Variants in TAF4B observed in about 807,000 individuals in gnomAD.
TAF4B encodes the protein transcription initiation factor TFIID subunit 4B.
Under a neutral mutation model 86.4 loss-of-function variants are expected in TAF4B, and 38 were observed. The ratio of observed to expected loss-of-function variants is 0.44; its 90% CI spans 0.34 to 0.58. The LOEUF (loss-of-function observed/expected upper bound fraction) is 0.58. TAF4B is among the 20% of genes least tolerant of loss of function. TAF4B has a pLI of 0.02. For missense variants in TAF4B, 988 were observed against 1,027.6 expected, an observed-to-expected ratio of 0.96 and a Z score of 0.53; for synonymous variants, 388 against 391.2, an observed-to-expected ratio of 0.99 and a Z score of 0.10.
chr18:26,355,120 T>G (rs781120587), intron 13 of TAF4B, among the ~76,000 whole-genome samples: 3 of 152,248 alleles, frequency 2.0e-5, no homozygotes, highest in Non-Finnish European at 4.4e-5. Flanking sequence ...GATTTATATC[T>G]CAGTATTTCA....
chr18:26,315,095 A>ACACTCTCTCTCTCT (rs765549230), intron 9 of TAF4B, 134 bp from the exon 10 acceptor site: 1 of 215,984 alleles, frequency 4.6e-6, no homozygotes, highest in Non-Finnish European at 7.0e-6. Context: ...GCTCTCTGAA[A>ACACTCTCTCTCTCT]CTCTCTCTCT....
At chr18:26,233,737 G>A (rs1330081000) in intron 1 of TAF4B, among the ~76,000 whole-genome samples, 1 of 152,160 alleles carries the variant, frequency 6.6e-6, no homozygotes, top group African/African-American at 2.4e-5. Context: ...TCTTGCAGGG[G>A]AAGGCTTCTA....
At chr18:26,229,976 T>TAC (rs1222224967) in intron 1 of TAF4B, among the ~76,000 whole-genome samples, 3 of 151,768 alleles carry the variant, frequency 2.0e-5, no homozygotes, top group African/African-American at 7.3e-5. Flanking sequence ...TATATATATA[T>TAC]ATACACACAC....
rs879761365 is a variant in TAF4B at position 26,259,287 on chromosome 18, C to CT, written c.344-5873dup. On this transcript the variant is annotated intron_variant, in intron 1 of 14. Coordinates refer to ENST00000269142, the MANE Select transcript of TAF4B (RefSeq NM_005640.3). Reference sequence around the variant, plus strand: ...TTCTGAGAATCTGTTTATTTTTCTTCTTTTTTTTTTATTATACTTTAAGTT... The same window carrying CT: ...TTCTGAGAATCTGTTTATTTTTCTTCTTTTTTTTTTTATTATACTTTAAGTT... Among the ~76,000 whole-genome samples, 267 of 141,024 alleles carry CT rather than the reference C, an allele frequency of 1.9e-3. 1 individual carries two copies. Among genetic ancestry groups the CT allele is most frequent in the Middle Eastern group, 0.011 (3 of 276 alleles). The allele number at this position is 141,024 out of a possible 152,430, so 92.5% of individuals were successfully genotyped here.
intron 3 of TAF4B, among the ~76,000 whole-genome samples, chr18:26,269,473 T>C (rs891347574): frequency 6.6e-6 from 1 of 152,172 alleles, no homozygotes; most frequent in African/African-American, 2.4e-5. Context: ...AGTCAAGACA[T>C]ATGTGATGAA....
chr18:26,379,602 T>C (rs1567931130), intron 14 of TAF4B, among the ~76,000 whole-genome samples: 1 of 152,134 alleles, frequency 6.6e-6, no homozygotes, highest in Non-Finnish European at 1.5e-5. Flanking sequence ...TGTAACAGTT[T>C]AGAAATCAGA....
chr18:26,277,321 A>G (rs112144641), intron 5 of TAF4B, among the ~76,000 whole-genome samples: 2 of 152,248 alleles, frequency 1.3e-5, no homozygotes, highest in Admixed American at 6.5e-5. Context: ...CCTGAGCTCA[A>G]GTAATCATCC....
chr18:26,231,106 C>T (rs1476687703), intron 1 of TAF4B, among the ~76,000 whole-genome samples: 3 of 120,504 alleles, frequency 2.5e-5, no homozygotes, highest in African/African-American at 9.6e-5. Context: ...ATGGTGCAAT[C>T]TTGGCTCACC....
chr18:26,315,497 A>G, intron 10 of TAF4B, 99 bp downstream of exon 10: 1 of 777,506 alleles, frequency 1.3e-6, no homozygotes, highest in East Asian at 2.7e-5. Flanking sequence ...TGGAACTCTG[A>G]GGCTTAAATA....
chr18:26,236,863 T>A (rs2055755859), intron 1 of TAF4B, among the ~76,000 whole-genome samples: 1 of 152,212 alleles, frequency 6.6e-6, no homozygotes, highest in Non-Finnish European at 1.5e-5. Flanking sequence ...TTTCTCCTGA[T>A]ATCTGCAGCT....
chr18:26,242,266 C>G (rs2055851144), intron 1 of TAF4B, among the ~76,000 whole-genome samples: 1 of 152,142 alleles, frequency 6.6e-6, no homozygotes, highest in Non-Finnish European at 1.5e-5. Flanking sequence ...AATCTGGGTG[C>G]TCCTGTATTG....
intron 14 of TAF4B, among the ~76,000 whole-genome samples, chr18:26,367,570 A>T (rs2057380124): frequency 6.6e-6 from 1 of 152,178 alleles, no homozygotes; most frequent in East Asian, 1.9e-4. Flanking sequence ...TTCTTTATTC[A>T]GTCTGCTGAT....
intron 1 of TAF4B, among the ~76,000 whole-genome samples, chr18:26,253,218 C>G (rs1400336673): frequency 6.6e-6 from 1 of 152,154 alleles, no homozygotes; most frequent in Non-Finnish European, 1.5e-5. Flanking sequence ...TGTGGGTCTT[C>G]TGTAAATCCA....
chr18:26,389,420 C>T (rs1278654873), intron 14 of TAF4B, among the ~76,000 whole-genome samples: 2 of 151,898 alleles, frequency 1.3e-5, no homozygotes, highest in Non-Finnish European at 1.5e-5. Flanking sequence ...AGACTGCATA[C>T]ATTTAAAGTC....
At chr18:26,231,901 A>G (rs1394455395) in intron 1 of TAF4B, among the ~76,000 whole-genome samples, 1 of 151,928 alleles carries the variant, frequency 6.6e-6, no homozygotes, top group Non-Finnish European at 1.5e-5. Context: ...TTATCCCCTT[A>G]TTGGCCCCTC....
chr18:26,365,125 G>A (rs776064688), intron 14 of TAF4B, among the ~76,000 whole-genome samples: 49 of 147,784 alleles, frequency 3.3e-4, no homozygotes, highest in Non-Finnish European at 6.2e-4. Context: ...TCCTGCCTCC[G>A]CCTCCCAGGT....
At chr18:26,267,689 C>A in intron 3 of TAF4B, 66 bp downstream of exon 3, 2 of 1,107,116 alleles carry the variant, frequency 1.8e-6, no homozygotes, top group African/African-American at 1.5e-5. Flanking sequence ...ATTTAGCTAT[C>A]TCCTGTTAGA....
chr18:26,240,267 T>G (rs1306724532), intron 1 of TAF4B, among the ~76,000 whole-genome samples: 1 of 152,162 alleles, frequency 6.6e-6, no homozygotes, highest in Non-Finnish European at 1.5e-5. Flanking sequence ...CATTGAGCAG[T>G]GGTTTGTAGT....
In TAF4B at chr18:26,286,271, G is replaced by A. The variant is rs564070925; in HGVS notation, c.1362G>A (p.Lys454=). 1 of 1,614,230 alleles carries A rather than the reference G, an allele frequency of 6.2e-7. No individual in the cohort carries two copies. The highest frequency in any genetic ancestry group is 1.3e-5 in the African/African-American group (1 of 75,066). The change falls in exon 7 of 15, where the codon AAG becomes AAA. Residue 454 remains lysine, a synonymous_variant. Transcript: ENST00000269142. ...TVTTVSLQPE[K]PVVSGTAVTL... Reference sequence around the variant, plus strand: ...CCACGGTCTCACTGCAACCTGAAAAGCCAGTTGTCTCTGGAACAGCAGTAA... The same window carrying A: ...CCACGGTCTCACTGCAACCTGAAAAACCAGTTGTCTCTGGAACAGCAGTAA...
Sources: allele counts gnomAD v4.1 joint callset (sites outside exome capture counted in the v4.1 genomes callset), GRCh38; gene constraint gnomAD v4.1.1; transcripts MANE v1.5; gene names NCBI Gene and HGNC (gene_info 2026-07-23, HGNC 2026-07-21).